Variants in PHACTR4 observed in about 807,000 individuals in gnomAD.
PHACTR4 encodes the protein protein phosphatase 1, regulatory subunit 124.
PHACTR4 carries 51 observed loss-of-function variants against 72.7 expected under a neutral mutation model. The ratio of observed to expected loss-of-function variants is 0.70; its 90% CI spans 0.56 to 0.89. The LOEUF (loss-of-function observed/expected upper bound fraction) is 0.89. Ranked by LOEUF, PHACTR4 falls within the 40% of genes least tolerant of loss-of-function variation. The pLI is 0.00. For synonymous variants in PHACTR4, 255 were observed against 302.5 expected, an observed-to-expected ratio of 0.84 and a Z score of 1.63; for missense variants, 731 against 861.8, an observed-to-expected ratio of 0.85 and a Z score of 1.90.
chr1:28,414,815 A>G (rs763355617), intron 2 of PHACTR4, among the ~76,000 whole-genome samples: 1 of 152,156 alleles, frequency 6.6e-6, no homozygotes, highest in Non-Finnish European at 1.5e-5. Context: ...ATTGAAGATC[A>G]TGGAGTAGGG....
At chr1:28,456,829 G>C (rs1196082900) in intron 2 of PHACTR4, among the ~76,000 whole-genome samples, 1 of 151,980 alleles carries the variant, frequency 6.6e-6, no homozygotes. Flanking sequence ...TGAAGGCTCA[G>C]TGAGCTGTGA....
At chr1:28,444,587 C>A (rs1657300012) in intron 2 of PHACTR4, among the ~76,000 whole-genome samples, 1 of 150,314 alleles carries the variant, frequency 6.7e-6, no homozygotes, top group Admixed American at 6.6e-5. Context: ...TTGGTCTTTC[C>A]CATTTTTATA....
chr1:28,463,317 A>C (rs1314852797), intron 4 of PHACTR4, among the ~76,000 whole-genome samples: 1 of 147,634 alleles, frequency 6.8e-6, no homozygotes, highest in African/African-American at 2.7e-5. Flanking sequence ...AGTGATGTTA[A>C]AGCCCCATAG....
chr1:28,463,965 C>T (rs1159675188), intron 4 of PHACTR4, among the ~76,000 whole-genome samples: 1 of 151,714 alleles, frequency 6.6e-6, no homozygotes, highest in Non-Finnish European at 1.5e-5. Flanking sequence ...CTCTTGGGCT[C>T]AACGATCCTC....
chr1:28,463,619 A>AC (rs749806415), intron 4 of PHACTR4, among the ~76,000 whole-genome samples: 39 of 152,202 alleles, frequency 2.6e-4, no homozygotes, highest in Admixed American at 4.6e-4. Flanking sequence ...TTGTCATCTT[A>AC]CCCCCACCCT....
At chr1:28,415,804 T>C (rs1179825893) in intron 2 of PHACTR4, among the ~76,000 whole-genome samples, 1 of 152,212 alleles carries the variant, frequency 6.6e-6, no homozygotes, top group African/African-American at 2.4e-5. Flanking sequence ...TATAAGATAA[T>C]ACCTCCTTTT....
At position 28,473,608 on chromosome 1, in the gene PHACTR4, C is replaced by A. The variant is rs370099764; in HGVS notation, c.878C>A (p.Pro293His). ...SGTLLSKPSP[P>H]LPPKRGIPST... is the part of the protein sequence containing the mutation. Reference sequence around the variant, plus strand: ...ACATTGTTATCAAAACCGTCCCCACCCTTACCACCTAAGAGAGGCATTCCA... The same window carrying A: ...ACATTGTTATCAAAACCGTCCCCACACTTACCACCTAAGAGAGGCATTCCA... Residue 293 changes from proline to histidine, a missense_variant, in exon 7 of 14, where the codon CCC becomes CAC. Pro to His is a moderately conservative substitution (Grantham distance 77). This residue lies in a region of PHACTR4 where 621 missense variants were observed against 676.6 expected (regional missense o/e 0.92). Coordinates refer to ENST00000373839, the MANE Select transcript of PHACTR4 (RefSeq NM_001048183.3). 53 of 1,613,860 alleles carry A rather than the reference C, an allele frequency of 3.3e-5. No individual in the cohort carries two copies. The highest frequency in any genetic ancestry group is 3.5e-5 in the Non-Finnish European group (41 of 1,179,934).
intron 2 of PHACTR4, among the ~76,000 whole-genome samples, chr1:28,411,779 A>G (rs1654806544): frequency 6.6e-6 from 1 of 152,138 alleles, no homozygotes; most frequent in African/African-American, 2.4e-5. Flanking sequence ...ACCAAATACT[A>G]CCCATTCCCC....
At chr1:28,397,583 C>T (rs561211049) in intron 1 of PHACTR4, among the ~76,000 whole-genome samples, 15 of 151,954 alleles carry the variant, frequency 9.9e-5, no homozygotes, top group African/African-American at 2.4e-4. Flanking sequence ...TCATTCTTGA[C>T]GGTTTCCATC....
rs1013121345 is a variant in PHACTR4, at chr1:28,491,804, C to A, written c.2016+17C>A. The stretch of plus-strand genomic sequence containing the variant: ...GCTGACAAGGTACCTGGAAAGCACT[C>A]TCTTGCTTTTTTTCTCTTTCTCTTT... On this transcript the variant is annotated intron_variant, in intron 12 of 13. Coordinates refer to ENST00000373839, the MANE Select transcript of PHACTR4 (RefSeq NM_001048183.3). The A allele has an allele frequency of 7.5e-6, 12 of 1,603,998 alleles. No individual in the cohort carries two copies. The South Asian group carries it at 1.1e-4, about 15-fold the overall frequency.
intron 2 of PHACTR4, among the ~76,000 whole-genome samples, chr1:28,441,237 T>G (rs1657006041): frequency 6.6e-6 from 1 of 152,088 alleles, no homozygotes; most frequent in African/African-American, 2.4e-5. Context: ...TTATTTTTTT[T>G]TTACTTAAAA....
At chr1:28,490,901 C>T (rs1660997153) in intron 10 of PHACTR4, 50 bp from the exon 11 acceptor site, 1 of 1,541,198 alleles carries the variant, frequency 6.5e-7, no homozygotes, top group Non-Finnish European at 9.0e-7. Context: ...GTTTGATATG[C>T]AAATTGTCAT....
At chr1:28,412,657 C>A (rs1354656870) in intron 2 of PHACTR4, among the ~76,000 whole-genome samples, 2 of 152,160 alleles carry the variant, frequency 1.3e-5, no homozygotes, top group African/African-American at 4.8e-5. Flanking sequence ...GTGCAAGTGT[C>A]AACACAGTGG....
chr1:28,431,561 A>G (rs1656270438), intron 2 of PHACTR4, among the ~76,000 whole-genome samples: 1 of 152,016 alleles, frequency 6.6e-6, no homozygotes, highest in South Asian at 2.1e-4. Context: ...TCTGAGTCAG[A>G]CACCAACAGT....
intron 1 of PHACTR4, among the ~76,000 whole-genome samples, chr1:28,386,728 AC>A (rs774597766): frequency 6.6e-6 from 1 of 152,140 alleles, no homozygotes; most frequent in Non-Finnish European, 1.5e-5. Flanking sequence ...CTTGTAAGAC[AC>A]CAAATAATGA....
chr1:28,371,321 A>G (rs111560450), intron 1 of PHACTR4, among the ~76,000 whole-genome samples: 1 of 151,968 alleles, frequency 6.6e-6, no homozygotes, highest in Non-Finnish European at 1.5e-5. Flanking sequence ...TTTTGAGACA[A>G]TCTCACTTTG....
At chr1:28,389,044 C>T (rs562686484) in intron 1 of PHACTR4, among the ~76,000 whole-genome samples, 1 of 152,054 alleles carries the variant, frequency 6.6e-6, no homozygotes, top group Admixed American at 6.6e-5. Flanking sequence ...AAAGCTTCCG[C>T]ACAGCAAGGG....
At chr1:28,432,844 A>C (rs1273095455) in intron 2 of PHACTR4, 1 of 152,224 alleles carries the variant, frequency 6.6e-6, no homozygotes, top group Non-Finnish European at 1.5e-5. Flanking sequence ...GGCTCAAACA[A>C]TCCTTCTGCC....
At chr1:28,440,027 C>A (rs368742210) in intron 2 of PHACTR4, among the ~76,000 whole-genome samples, 3 of 152,168 alleles carry the variant, frequency 2.0e-5, no homozygotes, top group African/African-American at 4.8e-5. Flanking sequence ...TGAGGCCGGG[C>A]GCGGTGGCTC....
Sources: gnomAD v4.1 joint callset for allele counts (sites outside exome capture counted in the v4.1 genomes callset) on GRCh38, gnomAD v4.1.1 for gene constraint, gnomAD v4.1.1 regional missense constraint, MANE v1.5 for transcripts, NCBI Gene and HGNC (gene_info 2026-07-23, HGNC 2026-07-21) for gene names.